LRIG1: variants seen among roughly 807,000 people sequenced by gnomAD.
LRIG1 encodes the protein leucine rich repeats and immunoglobulin like domains 1.
In LRIG1, 48 loss-of-function variants were observed where a neutral mutation model predicts 99.2. The observed-to-expected ratio is 0.48, with a 90% CI of 0.38 to 0.62. The LOEUF is 0.62. LRIG1 is among the 20% of genes least tolerant of loss of function. The pLI is 0.00. For missense variants in LRIG1, 1,646 were observed against 1,434.4 expected (o/e 1.15, Z -2.38); for synonymous variants, 772 against 596.1 (o/e 1.29, Z -4.30).
chr3:66,413,307 C>T (rs547653263), intron 5 of LRIG1, among the ~76,000 whole-genome samples: 3 of 152,318 alleles, frequency 2.0e-5, no homozygotes, highest in South Asian at 2.1e-4. Context: ...TGTGTGCTCA[C>T]GTCTCCTCCC....
At chr3:66,491,759 G>C (rs1309749943) in intron 1 of LRIG1, among the ~76,000 whole-genome samples, 8 of 152,240 alleles carry the variant, frequency 5.3e-5, no homozygotes, top group Admixed American at 3.9e-4. Context: ...TAACATGGAA[G>C]GGCAGCAGCA....
chr3:66,487,194 A>C (rs935817096), intron 1 of LRIG1, among the ~76,000 whole-genome samples: 19 of 152,212 alleles, frequency 1.2e-4, no homozygotes, highest in African/African-American at 4.6e-4. Flanking sequence ...CTGACATATA[A>C]AATCAGACAA....
intron 3 of LRIG1, among the ~76,000 whole-genome samples, chr3:66,438,600 G>A (rs1003938642): frequency 8.5e-5 from 13 of 152,196 alleles, no homozygotes; most frequent in South Asian, 2.1e-4. Flanking sequence ...CTAACAAGGG[G>A]GAAAAGGCCC....
In LRIG1 at chr3:66,500,326, G is replaced by C. The variant is rs751262490; in HGVS notation, c.82C>G (p.Leu28Val). 6.7e-6 allele frequency: 10 copies of C among 1,494,218 alleles called. No individual in the cohort carries two copies. In the South Asian group the frequency reaches 1.0e-4, roughly 15 times the overall value. 92.6% of individuals were successfully genotyped at this position (1,494,218 alleles called of 1,614,324 possible). A position where few individuals can be genotyped will look rare whatever the true frequency, so the allele number is the denominator to read the frequency against. Reference protein sequence around the residue: ...LLLLWLLLLRLEPVTAAAGPR... With the variant: ...LLLLWLLLLRVEPVTAAAGPR... ...CCGGCCGCGGCGGTCACCGGCTCCAGCCGAAGCAAAAGCAGCCAGAGAAGG... is the reference window on the plus strand; with the variant it reads ...CCGGCCGCGGCGGTCACCGGCTCCACCCGAAGCAAAAGCAGCCAGAGAAGG... Residue 28 changes from leucine (L) to valine (V), a missense_variant, in exon 1 of 19, where the codon CTG becomes GTG. Leu to Val is a conservative substitution (Grantham distance 32, BLOSUM62 1). Transcript: ENST00000273261.
intron 2 of LRIG1, among the ~76,000 whole-genome samples, chr3:66,457,175 G>T (rs1181604984): frequency 1.3e-5 from 2 of 152,140 alleles, no homozygotes; most frequent in Non-Finnish European, 2.9e-5. Context: ...GCTCTATAAA[G>T]TTTGGGAGAG....
chr3:66,408,363 A>C (rs551204315), intron 7 of LRIG1, among the ~76,000 whole-genome samples: 100 of 152,294 alleles, frequency 6.6e-4, no homozygotes, highest in Non-Finnish European at 1.2e-3. Flanking sequence ...GCAATTAAAG[A>C]ATTTAGCTTA....
chr3:66,391,257 C>A (rs191008340), intron 12 of LRIG1, among the ~76,000 whole-genome samples: 1 of 152,264 alleles, frequency 6.6e-6, no homozygotes, highest in East Asian at 1.9e-4. Flanking sequence ...GTTTGGCAGT[C>A]CCTCAAAAAA....
chr3:66,440,134 G>A (rs1240514205), intron 3 of LRIG1, among the ~76,000 whole-genome samples: 4 of 152,158 alleles, frequency 2.6e-5, no homozygotes, highest in Non-Finnish European at 5.9e-5. Context: ...TTATCCAGCT[G>A]TGGCTTATTA....
Position 66,410,116 on chromosome 3 carries a change from C to T in LRIG1, c.935+13G>A, listed in dbSNP as rs763797540. On this transcript the variant is annotated intron_variant, in intron 7 of 18. Transcript: ENST00000273261. Reference sequence around the variant, plus strand: ...TAAAAACACTGCCACAGCCCAGAGCCGAGGACACTTACAACTCATGCAGCT... The same window carrying T: ...TAAAAACACTGCCACAGCCCAGAGCTGAGGACACTTACAACTCATGCAGCT... 108 of 1,605,044 alleles carry T rather than the reference C, an allele frequency of 6.7e-5. No homozygotes were observed. The highest frequency in any genetic ancestry group is 5.0e-4 in the Middle Eastern group (3 of 6,028).
At chr3:66,487,908 G>T (rs1415269254) in intron 1 of LRIG1, among the ~76,000 whole-genome samples, 1 of 152,150 alleles carries the variant, frequency 6.6e-6, no homozygotes, top group African/African-American at 2.4e-5. Flanking sequence ...CTTCTGTCAA[G>T]AAGTTCCAGA....
chr3:66,388,461 A>G (rs1385104891), intron 12 of LRIG1, among the ~76,000 whole-genome samples: 1 of 152,222 alleles, frequency 6.6e-6, no homozygotes, highest in Non-Finnish European at 1.5e-5. Context: ...CTGCAAAACA[A>G]TGGCCCCAAA....
intron 3 of LRIG1, among the ~76,000 whole-genome samples, chr3:66,433,215 A>G (rs1703237094): frequency 6.6e-6 from 1 of 152,226 alleles, no homozygotes; most frequent in African/African-American, 2.4e-5. Context: ...CCAGAATCAG[A>G]GAGGTTAAGA....
chr3:66,381,686 G>A (rs1701075776), intron 16 of LRIG1, 55 bp from the exon 17 acceptor site: 10 of 1,578,948 alleles, frequency 6.3e-6, no homozygotes, highest in African/African-American at 1.4e-5. Flanking sequence ...TTCACAGTAA[G>A]CCTTATGAAA....
At chr3:66,388,650 C>T (rs1367994542) in intron 12 of LRIG1, among the ~76,000 whole-genome samples, 4 of 152,026 alleles carry the variant, frequency 2.6e-5, no homozygotes, top group Non-Finnish European at 4.4e-5. Context: ...TTATTATTAA[C>T]GGCTGATTTC....
chr3:66,408,876 G>C (rs191571057), intron 7 of LRIG1, among the ~76,000 whole-genome samples: 5 of 142,746 alleles, frequency 3.5e-5, no homozygotes, highest in Admixed American at 3.0e-4. Context: ...TTTTGCATTA[G>C]ATAATGATGG....
At chr3:66,451,882 A>G (rs1703914732) in intron 2 of LRIG1, among the ~76,000 whole-genome samples, 1 of 152,226 alleles carries the variant, frequency 6.6e-6, no homozygotes, top group Non-Finnish European at 1.5e-5. Context: ...CCTGTCTCCC[A>G]TCAGCTTCCC....
intron 1 of LRIG1, among the ~76,000 whole-genome samples, chr3:66,472,523 A>G (rs57321808): frequency 1.2e-3 from 185 of 152,216 alleles, no homozygotes; most frequent in African/African-American, 4.1e-3. Flanking sequence ...TACACACTAC[A>G]CGCTCACACC....
intron 3 of LRIG1, among the ~76,000 whole-genome samples, chr3:66,444,953 GTA>G (rs1264774285): frequency 2.0e-5 from 3 of 151,474 alleles, no homozygotes; most frequent in East Asian, 1.9e-4. Flanking sequence ...ATATACGTGT[GTA>G]TATGTATGTG....
At chr3:66,413,962 G>A (rs1346753084) in intron 5 of LRIG1, among the ~76,000 whole-genome samples, 1 of 151,484 alleles carries the variant, frequency 6.6e-6, no homozygotes, top group Non-Finnish European at 1.5e-5. Flanking sequence ...GCTAAAAAGA[G>A]GGCACAGGAA....
Sources: gnomAD v4.1 joint callset for allele counts (sites outside exome capture counted in the v4.1 genomes callset) on GRCh38, gnomAD v4.1.1 for gene constraint, MANE v1.5 for transcripts, NCBI Gene and HGNC (gene_info 2026-07-23, HGNC 2026-07-21) for gene names.